The following CCDC30 variants were observed in gnomAD, a reference collection of about 807,000 sequenced individuals.
CCDC30 encodes the protein coiled-coil domain-containing protein 30.
In CCDC30, 70 loss-of-function variants were observed where a neutral mutation model predicts 100.2. The observed-to-expected ratio is 0.70, with a 90% CI of 0.58 to 0.85. The LOEUF (loss-of-function observed/expected upper bound fraction) is 0.85. Ranked by LOEUF, CCDC30 falls within the 40% of genes least tolerant of loss-of-function variation. The probability of loss-of-function intolerance (pLI) is 0.00; values close to 1 mark genes in which losing one functional copy is unlikely to be tolerated. For missense variants in CCDC30, 652 were observed against 771.2 expected (o/e 0.85, Z 1.83); for synonymous variants, 233 against 269.5 (o/e 0.86, Z 1.33).
intron 12 of CCDC30, 47 bp from the exon 17 acceptor site, chr1:42,642,426 T>C (rs1264067340): frequency 1.4e-6 from 2 of 1,404,532 alleles, no homozygotes; most frequent in African/African-American, 2.9e-5. Context: ...CTTAAATTTA[T>C]CATACTTTCT....
In CCDC30 at chr1:42,608,034, C is replaced by G. The variant is rs184793140; in HGVS notation, c.1165-2944C>G. 2.0e-5 allele frequency among the ~76,000 whole-genome samples: 3 copies of G among 151,446 alleles called. No individual in the cohort carries two copies. The South Asian group carries it at 6.3e-4, about 32-fold the overall frequency. The stretch of plus-strand genomic sequence containing the variant: ...TCCAGCCTCTAGACCAGGGATCATA[C>G]GGCCCTTTAAGGCTCATTACCATGT... On this transcript the variant is annotated intron_variant, in intron 10 of 16. Transcript: ENST00000668663.
intron 6 of CCDC30, among the ~76,000 whole-genome samples, chr1:42,551,629 A>G (rs1218001612): frequency 1.3e-5 from 2 of 152,118 alleles, no homozygotes; most frequent in Non-Finnish European, 2.9e-5. Context: ...TTATGTGAAC[A>G]TAATAATAAA....
At chr1:42,499,003 C>T in intron 6 of CCDC30, 87 bp downstream of exon 6, 1 of 604,452 alleles carries the variant, frequency 1.7e-6, no homozygotes, top group Non-Finnish European at 2.4e-6. Flanking sequence ...TGGTGCTAAT[C>T]ATTTGCTACT....
intron 10 of CCDC30, among the ~76,000 whole-genome samples, chr1:42,608,716 CAA>C (rs3044834): frequency 1.1e-3 from 63 of 55,416 alleles, no homozygotes; most frequent in African/African-American, 4.3e-3. Flanking sequence ...CTCTCTGTCT[CAA>C]AAAAAAAAAA....
At chr1:42,567,743 G>A (rs189619098) in intron 7 of CCDC30, among the ~76,000 whole-genome samples, 11 of 152,130 alleles carry the variant, frequency 7.2e-5, no homozygotes, top group Admixed American at 3.9e-4. Context: ...TCTCCAACTC[G>A]GGACATATTC....
At chr1:42,653,998 A>G (rs1339189835) in exon 17 of CCDC30, 2 of 1,613,986 alleles carry the variant, frequency 1.2e-6, no homozygotes, top group East Asian at 2.2e-5. Flanking sequence ...CACATGGTAT[A>G]CAAGAACAAG....
intron 13 of CCDC30, 71 bp from the exon 18 acceptor site, chr1:42,644,622 G>A (rs1307474769): frequency 8.7e-5 from 76 of 871,334 alleles, no homozygotes; most frequent in East Asian, 2.5e-5. Flanking sequence ...GTGGGAAGTG[G>A]GATGTAGTTT....
At chr1:42,506,461 GAGATTT>G (rs1644396736) in intron 6 of CCDC30, among the ~76,000 whole-genome samples, 1 of 152,174 alleles carries the variant, frequency 6.6e-6, no homozygotes, top group Non-Finnish European at 1.5e-5. Flanking sequence ...GACTGACAAA[GAGATTT>G]GGTTATCTTT....
chr1:42,457,051 G>A, the CCDC30 span: 1 of 1,598,972 alleles, frequency 6.3e-7, no homozygotes, highest in Admixed American at 1.7e-5. Context: ...TGCAGGCTGC[G>A]GCCCAGGCAC....
chr1:42,494,005 A>G (rs1178072987), intron 4 of CCDC30, among the ~76,000 whole-genome samples: 2 of 152,254 alleles, frequency 1.3e-5, no homozygotes, highest in East Asian at 1.9e-4. Flanking sequence ...CTTGAAGTCA[A>G]GAGTTCAAGA....
chr1:42,617,747 G>T (rs1646753354), intron 11 of CCDC30, among the ~76,000 whole-genome samples: 1 of 152,190 alleles, frequency 6.6e-6, no homozygotes, highest in Admixed American at 6.5e-5. Context: ...GGTGTCATCA[G>T]CTGGTGCACC....
In CCDC30 at chr1:42,542,643, C is replaced by T. The variant is rs1008132131; in HGVS notation, c.457-23653C>T. 9 of 120,844 alleles carry T rather than the reference C, an allele frequency of 7.4e-5. 2 individuals carry two copies. The highest frequency in any genetic ancestry group is 3.4e-4 in the Admixed American group (4 of 11,750). 7.5% of individuals were successfully genotyped at this position (120,844 alleles called of 1,614,324 possible). ...TCGGCTCACTGCAAGCTCCGCTTCC[C>T]GGGTTCACGCCATTCTCCTGCCTCA... On this transcript the variant is annotated intron_variant, in intron 6 of 16. Transcript: ENST00000668663.
At chr1:42,590,545 A>T (rs980662295) in intron 10 of CCDC30, 1 of 152,356 alleles carries the variant, frequency 6.6e-6, no homozygotes, top group Non-Finnish European at 1.5e-5. Flanking sequence ...GTTCAAGACC[A>T]GCCTGGGCAA....
chr1:42,461,048 C>T (rs895568925), upstream of CCDC30, among the ~76,000 whole-genome samples: 1 of 152,188 alleles, frequency 6.6e-6, no homozygotes, highest in Non-Finnish European at 1.5e-5. Context: ...CCTAAATGAT[C>T]TGTAGGATAG....
intron 6 of CCDC30, among the ~76,000 whole-genome samples, chr1:42,562,567 C>T (rs190814147): frequency 4.3e-4 from 65 of 152,246 alleles, no homozygotes; most frequent in Admixed American, 7.2e-4. Flanking sequence ...ATGACAAAAA[C>T]GCCAAAAGCA....
At chr1:42,559,624 G>A (rs1645445579) in intron 6 of CCDC30, among the ~76,000 whole-genome samples, 1 of 152,038 alleles carries the variant, frequency 6.6e-6, no homozygotes, top group Non-Finnish European at 1.5e-5. Context: ...ACCAATACAG[G>A]AGCACCCAGA....
At chr1:42,460,069 ATT>A (rs1368963500), upstream of CCDC30, 3 of 1,409,350 alleles carry the variant, frequency 2.1e-6, no homozygotes, top group Non-Finnish European at 2.8e-6. Context: ...ATGGTTTGGC[ATT>A]TGTCTTTTAA....
chr1:42,568,343 G>C (rs1034488304), intron 7 of CCDC30, among the ~76,000 whole-genome samples: 1 of 152,130 alleles, frequency 6.6e-6, no homozygotes, highest in Non-Finnish European at 1.5e-5. Context: ...TCGAACTCCT[G>C]ACCTCAGGTG....
chr1:42,551,742 G>GGTGTGTGTGTGTGT (rs34048456), intron 6 of CCDC30, among the ~76,000 whole-genome samples: 259 of 144,582 alleles, frequency 1.8e-3, no homozygotes, highest in African/African-American at 6.0e-3. Context: ...GATAAATTCT[G>GGTGTGTGTGTGTGT]GTGTGTGTGT....
Sources: gnomAD v4.1 joint callset for allele counts (sites outside exome capture counted in the v4.1 genomes callset) on GRCh38, gnomAD v4.1.1 for gene constraint, MANE v1.5 for transcripts, NCBI Gene and HGNC (gene_info 2026-07-23, HGNC 2026-07-21) for gene names.